CACHD1: variants seen among roughly 807,000 people sequenced by gnomAD.
CACHD1 encodes VWFA and cache domain-containing protein 1.
In CACHD1, 71 loss-of-function variants were observed where a neutral mutation model predicts 138.7. That is an observed-to-expected ratio of 0.51 (90% CI 0.42 to 0.62). The LOEUF is 0.62. Among genes scored for constraint, CACHD1 ranks in the 20% least tolerant of loss-of-function variants. The probability of loss-of-function intolerance (pLI) is 0.00; values close to 1 mark genes in which losing one functional copy is unlikely to be tolerated. For synonymous variants in CACHD1, 578 were observed against 591.5 expected (o/e 0.98, Z 0.33); for missense variants, 1,389 against 1,625.3 (o/e 0.85, Z 2.50).
intron 9 of CACHD1, among the ~76,000 whole-genome samples, chr1:64,649,229 C>T (rs551398412): frequency 6.6e-6 from 1 of 152,208 alleles, no homozygotes; most frequent in East Asian, 1.9e-4. Flanking sequence ...GAGACAGGGC[C>T]TGTCTCACCC....
chr1:64,471,747 C>A (rs1267404725), intron 1 of CACHD1, among the ~76,000 whole-genome samples: 5 of 152,194 alleles, frequency 3.3e-5, no homozygotes, highest in Non-Finnish European at 7.3e-5. Context: ...GTTCCCATTT[C>A]TCCAGATTGT....
In CACHD1 at chr1:64,473,035, G is replaced by C. The variant is rs1271851692; in HGVS notation, c.198+2093G>C. ...TTTAAAAGGCTGCCCTGTTGAAAAA[G>C]ACACTTCGAAAAAAAGCTCTGATCG... On this transcript the variant is annotated intron_variant, in intron 1 of 26. Transcript: ENST00000651257. Among the ~76,000 whole-genome samples the C allele has an allele frequency of 2.6e-5, 4 of 152,118 alleles. No individual in the cohort carries two copies. The East Asian group carries it at 5.8e-4, about 22-fold the overall frequency.
chr1:64,643,127 A>G (rs1001406857), intron 8 of CACHD1, among the ~76,000 whole-genome samples: 3 of 147,442 alleles, frequency 2.0e-5, no homozygotes, highest in Middle Eastern at 3.6e-3. Context: ...TCTCTTGTCA[A>G]CTGTGAAATT....
chr1:64,493,067 C>T (rs770439296), intron 1 of CACHD1, among the ~76,000 whole-genome samples: 10 of 152,182 alleles, frequency 6.6e-5, no homozygotes, highest in African/African-American at 2.4e-4. Flanking sequence ...CTTTGTAACA[C>T]GGGAGTTGTT....
chr1:64,565,000 G>T (rs1167548634), intron 2 of CACHD1, among the ~76,000 whole-genome samples: 2 of 151,016 alleles, frequency 1.3e-5, no homozygotes, highest in East Asian at 3.9e-4. Context: ...AATGACTGGA[G>T]ATACTCTGGC....
chr1:64,540,500 A>G (rs1219829546), intron 1 of CACHD1, among the ~76,000 whole-genome samples: 1 of 152,202 alleles, frequency 6.6e-6, no homozygotes, highest in Non-Finnish European at 1.5e-5. Flanking sequence ...AACATGTGGA[A>G]CTAATTTATT....
chr1:64,649,623 G>A (rs958826797), intron 9 of CACHD1, among the ~76,000 whole-genome samples: 1 of 152,112 alleles, frequency 6.6e-6, no homozygotes, highest in Admixed American at 6.5e-5. Context: ...GTGTGAAAGG[G>A]ACAAAGGATG....
intron 4 of CACHD1, among the ~76,000 whole-genome samples, chr1:64,625,012 A>C (rs578134665): frequency 6.6e-6 from 1 of 152,316 alleles, no homozygotes; most frequent in South Asian, 2.1e-4. Context: ...CTGCCCTCTC[A>C]AAGACAGATT....
intron 2 of CACHD1, among the ~76,000 whole-genome samples, chr1:64,572,543 A>G (rs1466298377): frequency 3.9e-5 from 6 of 152,180 alleles, no homozygotes; most frequent in South Asian, 4.1e-4. Flanking sequence ...GCAATACCCA[A>G]CACAAACTGT....
chr1:64,537,219 ATG>A (rs1373215222), intron 1 of CACHD1, among the ~76,000 whole-genome samples: 11 of 151,894 alleles, frequency 7.2e-5, no homozygotes, highest in Admixed American at 6.6e-4. Context: ...AGGTTAGCCG[ATG>A]ATTGCGTTTT....
Position 64,664,573 on chromosome 1 carries a change from C to G in CACHD1, c.2170C>G (p.Leu724Val), listed in dbSNP as rs1334340247. The change falls in exon 15 of 27, where the codon CTG (leucine) becomes GTG (valine). Residue 724 changes from leucine to valine, a missense_variant. This residue lies in a region of CACHD1 where 1,000 missense variants were observed against 1,114.7 expected (regional missense o/e 0.90). Coordinates refer to ENST00000651257, the MANE Select transcript of CACHD1 (RefSeq NM_020925.4). The part of the protein sequence containing the change: ...EWMTQMEMSS[L>V]NTYIVRRYIA... ...GATGACACAAATGGAAATGAGTAGC[C>G]TGAACACTTACATTGTCCGCCGTTA... 1 of 1,614,188 alleles carries G rather than the reference C, an allele frequency of 6.2e-7. No individual in the cohort carries two copies. Among genetic ancestry groups the G allele is most frequent in the Non-Finnish European group, 8.5e-7 (1 of 1,180,012 alleles).
At chr1:64,539,858 G>A (rs914998823) in intron 1 of CACHD1, among the ~76,000 whole-genome samples, 3 of 152,166 alleles carry the variant, frequency 2.0e-5, no homozygotes, top group Non-Finnish European at 4.4e-5. Context: ...GCAAGTCCAA[G>A]TTTCTCCTCT....
At chr1:64,530,599 G>A (rs1030315159) in intron 1 of CACHD1, among the ~76,000 whole-genome samples, 2 of 151,940 alleles carry the variant, frequency 1.3e-5, no homozygotes, top group Non-Finnish European at 2.9e-5. Flanking sequence ...CGCCAGGTGC[G>A]GTGGCTCACG....
At chr1:64,516,839 T>C (rs1646463093) in intron 1 of CACHD1, among the ~76,000 whole-genome samples, 1 of 152,252 alleles carries the variant, frequency 6.6e-6, no homozygotes, top group Non-Finnish European at 1.5e-5. Flanking sequence ...TTCTTTCTTG[T>C]ATTTTAAACT....
chr1:64,546,919 A>G lies in CACHD1; in HGVS notation c.199-3675A>G, dbSNP rs189151284. 4.5e-3 allele frequency among the ~76,000 whole-genome samples: 676 copies of G among 151,868 alleles called. 20 individuals are homozygous for G. Among genetic ancestry groups the G allele is most frequent in the Non-Finnish European group, 9.7e-4 (66 of 67,818 alleles). On this transcript the variant is annotated intron_variant, in intron 1 of 26. Coordinates refer to ENST00000651257, the MANE Select transcript of CACHD1 (RefSeq NM_020925.4). ...CTTGCTTAAAATAAAATGGATAGAA[A>G]AAAACCCCCAAATGCTCATTTTTTT...
chr1:64,481,909 T>C (rs895797303), intron 1 of CACHD1, among the ~76,000 whole-genome samples: 3 of 152,170 alleles, frequency 2.0e-5, no homozygotes, highest in African/African-American at 7.2e-5. Flanking sequence ...TTTATTTCCA[T>C]GTCACTTGAA....
intron 4 of CACHD1, among the ~76,000 whole-genome samples, chr1:64,616,092 A>C (rs1202943508): frequency 1.3e-5 from 2 of 152,140 alleles, no homozygotes; most frequent in East Asian, 3.9e-4. Context: ...TATTTCCATC[A>C]CTGTATTCTG....
intron 26 of CACHD1, among the ~76,000 whole-genome samples, chr1:64,683,380 T>C (rs1650252101): frequency 1.3e-5 from 2 of 152,244 alleles, no homozygotes; most frequent in African/African-American, 4.8e-5. Context: ...GTTTGAATAA[T>C]AAAACAGGTT....
At chr1:64,557,225 C>G (rs1173491290) in intron 2 of CACHD1, among the ~76,000 whole-genome samples, 1 of 151,612 alleles carries the variant, frequency 6.6e-6, no homozygotes, top group African/African-American at 2.4e-5. Flanking sequence ...CAGAAAGTAG[C>G]AAAATATGGT....
Sources: gnomAD v4.1 joint callset for allele counts (sites outside exome capture counted in the v4.1 genomes callset) on GRCh38, gnomAD v4.1.1 for gene constraint, gnomAD v4.1.1 regional missense constraint, MANE v1.5 for transcripts, NCBI Gene and HGNC (gene_info 2026-07-23, HGNC 2026-07-21) for gene names.